The following PGAP3 variants were observed in gnomAD, a reference collection of about 807,000 sequenced individuals.
PGAP3 encodes post-GPI attachment to proteins phospholipase 3.
A neutral mutation model predicts 40.3 loss-of-function variants in PGAP3; 31 were observed. The observed-to-expected ratio is 0.77, with a 90% CI of 0.58 to 1.04. The LOEUF (loss-of-function observed/expected upper bound fraction) is 1.04. PGAP3 is among the 50% of genes least tolerant of loss of function. The pLI, the probability that PGAP3 is intolerant of heterozygous loss-of-function variation, is 0.00. For missense variants in PGAP3, 413 were observed against 423.0 expected (o/e 0.98, Z 0.21); for synonymous variants, 191 against 184.5 (o/e 1.04, Z -0.29).
At chr17:39,673,917 C>A in intron 5 of PGAP3, 76 bp downstream of exon 5, 1 of 1,524,664 alleles carries the variant, frequency 6.6e-7, no homozygotes, top group Non-Finnish European at 9.0e-7. Flanking sequence ...GAAGAAGGCC[C>A]CCAGGGGAAG....
At position 39,687,838 on chromosome 17, in the gene PGAP3, T is replaced by C; in HGVS notation, c.177A>G (p.Leu59=). 6.8e-7 allele frequency: 1 copy of C among 1,474,158 alleles called. No homozygotes were observed. The highest frequency in any genetic ancestry group is 1.4e-5 in the African/African-American group (1 of 70,468). 91.3% of individuals were successfully genotyped at this position (1,474,158 alleles called of 1,614,324 possible). ...TACCGTGGGGGTGGGGCTTACCTGCTAGACTCATGTAGATTGGCTGGCGGG... is the reference window on the plus strand; with the variant it reads ...TACCGTGGGGGTGGGGCTTACCTGCCAGACTCATGTAGATTGGCTGGCGGG... ...FRSRQPIYMS[L]AGWTCRDDCK... Residue 59 remains leucine, a synonymous_variant, in exon 1 of 8, where the codon CTA becomes CTG. Coordinates refer to ENST00000300658, the MANE Select transcript of PGAP3 (RefSeq NM_033419.5).
Position 39,685,996 on chromosome 17 carries a change from T to TA in PGAP3, c.204dup (p.Lys69Ter), listed in dbSNP as rs2057507015. 1.9e-6 allele frequency: 3 copies of TA among 1,613,144 alleles called. No homozygotes were observed. The highest frequency in any genetic ancestry group is 2.5e-6 in the Non-Finnish European group (3 of 1,179,376). ...ACGGTGACCCACATACACTCATACT[T>TA]ACAGTCGTCCCGACAGGTCCAGCCT... On this transcript the variant is annotated frameshift_variant, in exon 2 of 8. Transcript: ENST00000300658. LOFTEE classifies it high-confidence loss of function.
Position 39,672,717 on chromosome 17 carries a change from G to GA in PGAP3, c.*85dup, listed in dbSNP as rs1467148354. On this transcript the variant is annotated 3_prime_UTR_variant, in exon 8 of 8. Coordinates refer to ENST00000300658, the MANE Select transcript of PGAP3 (RefSeq NM_033419.5). ...GTCCAAGTTCAAGAAGTTGAAAAGA[G>GA]AAAATCATCTCAAGGGTTGAGGGGA... 1.0e-5 allele frequency: 14 copies of GA among 1,357,744 alleles called. No individual in the cohort carries two copies. The highest frequency in any genetic ancestry group is 1.5e-5 in the Non-Finnish European group (14 of 957,598). The allele number at this position is 1,357,744 out of a possible 1,614,324, so 84.1% of individuals were successfully genotyped here.
At chr17:39,674,547 G>A (rs2057351357) in intron 4 of PGAP3, 70 bp downstream of exon 4, 1 of 1,459,504 alleles carries the variant, frequency 6.9e-7, no homozygotes, top group East Asian at 2.5e-5. Context: ...ACCCTCTAGA[G>A]CCCCTCTGCC....
At position 39,684,684 on chromosome 17, in the gene PGAP3, GC is replaced by G; in HGVS notation, c.344del (p.Gly115AlafsTer6). The G allele has an allele frequency of 6.2e-7, 1 of 1,613,978 alleles. No individual in the cohort carries two copies. ...PASAVASFLN[G>X]LASLVMLCRY... Reference sequence around the variant, plus strand: ...GGCAGAGCATCACCAGGCTGGCCAGGCCATTGAGAAACGAGGCCACGGCCGA... The same window carrying G: ...GGCAGAGCATCACCAGGCTGGCCAGGCATTGAGAAACGAGGCCACGGCCGA... On this transcript the variant is annotated frameshift_variant, in exon 3 of 8. Transcript: ENST00000300658. LOFTEE classifies it high-confidence loss of function.
At chr17:39,684,775 T>C in intron 2 of PGAP3, 26 bp from the exon 3 acceptor site, 3 of 1,523,160 alleles carry the variant, frequency 2.0e-6, no homozygotes, top group African/African-American at 1.4e-5. Context: ...ATGAAGGAGG[T>C]TTGAAGGGCA....
Position 39,672,218 on chromosome 17 carries a change from C to T in PGAP3, c.*585G>A, listed in dbSNP as rs538942316. ...GGCCCTGAAAGGGAGTATGGTGAGG[C>T]CTCCTGGGAACCTGGCTAGGGCAAT... On this transcript the variant is annotated 3_prime_UTR_variant, in exon 8 of 8. Transcript: ENST00000300658. 6.4e-6 allele frequency: 1 copy of T among 155,942 alleles called. No individual in the cohort carries two copies. The highest frequency in any genetic ancestry group is 1.9e-4 in the East Asian group (1 of 5,316). 9.7% of individuals were successfully genotyped at this position (155,942 alleles called of 1,614,324 possible). A position where few individuals can be genotyped will look rare whatever the true frequency, so the allele number is the denominator to read the frequency against.
In PGAP3 at chr17:39,673,516, A is replaced by G. The variant is rs148457103; in HGVS notation, c.692T>C (p.Ile231Thr). The G allele has an allele frequency of 3.5e-5, 56 of 1,613,818 alleles. No homozygotes were observed. Among genetic ancestry groups the G allele is most frequent in the Non-Finnish European group, 4.6e-5 (54 of 1,179,968 alleles). ...YGYNLVANVA[I>T]GLVNVVWWLA... Reference sequence around the variant, plus strand: ...GCCCAAGCCCCCCAGGGCCTCACCAATAGCCACGTTGGCCACCAGGTTGTA... The same window carrying G: ...GCCCAAGCCCCCCAGGGCCTCACCAGTAGCCACGTTGGCCACCAGGTTGTA... The change falls in exon 6 of 8, where the codon ATT (isoleucine) becomes ACT (threonine). Residue 231 changes from isoleucine to threonine, a missense_variant and splice_region_variant. Coordinates refer to ENST00000300658, the MANE Select transcript of PGAP3 (RefSeq NM_033419.5).
intron 1 of PGAP3, 60 bp downstream of exon 1, chr17:39,687,774 G>C (rs1173634035): frequency 7.9e-7 from 1 of 1,258,510 alleles, no homozygotes; most frequent in African/African-American, 1.5e-5. Context: ...AGGCGTATTG[G>C]GGGCGCAGGG....
intron 3 of PGAP3, among the ~76,000 whole-genome samples, chr17:39,678,346 G>A (rs971398573): frequency 1.3e-5 from 2 of 152,200 alleles, no homozygotes; most frequent in East Asian, 1.9e-4. Flanking sequence ...TTTCCTGACT[G>A]GATGAAGGCC....
rs143315695 is a variant in PGAP3 at position 39,687,347 on chromosome 17, T to C, written c.181+487A>G. 2.2e-3 allele frequency among the ~76,000 whole-genome samples: 330 copies of C among 152,370 alleles called. 1 individual carries two copies. Among genetic ancestry groups the C allele is most frequent in the African/African-American group, 7.7e-3 (320 of 41,590 alleles). On this transcript the variant is annotated intron_variant, in intron 1 of 7. Transcript: ENST00000300658. The stretch of plus-strand genomic sequence containing the variant: ...CAGTGAGTGCTCAATACGTTGGTTC[T>C]TTGCCCACTATGGTCCAAATCGAAT...
chr17:39,674,480 A>C, intron 4 of PGAP3, 137 bp downstream of exon 4: 3 of 897,392 alleles, frequency 3.3e-6, no homozygotes, highest in Non-Finnish European at 4.9e-6. Flanking sequence ...GGGCACCAAC[A>C]GGTTTAGGAT....
chr17:39,681,017 C>G (rs984272878), intron 3 of PGAP3, among the ~76,000 whole-genome samples: 3 of 152,178 alleles, frequency 2.0e-5, no homozygotes, highest in African/African-American at 7.2e-5. Context: ...CATGTGCCAC[C>G]AGGCCTGGCT....
chr17:39,685,329 A>C (rs1597827133), intron 2 of PGAP3, among the ~76,000 whole-genome samples: 1 of 151,160 alleles, frequency 6.6e-6, no homozygotes, highest in African/African-American at 2.4e-5. Context: ...AAAAAAAAAA[A>C]AAAATACAAA....
chr17:39,673,867 T>A (rs1350228724), intron 5 of PGAP3, 126 bp downstream of exon 5: 2 of 1,267,714 alleles, frequency 1.6e-6, no homozygotes. Flanking sequence ...GGACAGCTGA[T>A]GTGTTGGGGG....
intron 3 of PGAP3, among the ~76,000 whole-genome samples, chr17:39,681,983 G>A (rs1597823048): frequency 6.6e-6 from 1 of 151,632 alleles, no homozygotes; most frequent in South Asian, 2.1e-4. Flanking sequence ...CACTTTGGGA[G>A]GCCGAGGCAG....
At position 39,673,111 on chromosome 17, in the gene PGAP3, A is replaced by G. The variant is rs1044944497; in HGVS notation, c.839T>C (p.Val280Ala). 5.0e-6 allele frequency: 8 copies of G among 1,608,970 alleles called. No individual in the cohort carries two copies. Among genetic ancestry groups the G allele is most frequent in the Admixed American group, 1.7e-5 (1 of 59,032 alleles). ...ELLDFPPLFW[V>A]LDAHAIWHIS... Reference sequence around the variant, plus strand: ...GTGCCAGATGGCATGGGCATCCAGGACCCAGAAGAGCGGTGGGAAGTCAAG... The same window carrying G: ...GTGCCAGATGGCATGGGCATCCAGGGCCCAGAAGAGCGGTGGGAAGTCAAG... The change falls in exon 7 of 8, where the codon GTC (valine) becomes GCC (alanine). Residue 280 changes from valine (V) to alanine (A), a missense_variant. By Grantham distance (64) the Val-to-Ala change is moderately conservative. Coordinates refer to ENST00000300658, the MANE Select transcript of PGAP3 (RefSeq NM_033419.5).
chr17:39,677,479 C>G (rs942137085), intron 3 of PGAP3, among the ~76,000 whole-genome samples: 14 of 152,150 alleles, frequency 9.2e-5, no homozygotes, highest in African/African-American at 3.1e-4. Context: ...CCGAACAGAT[C>G]CATTTCTCCT....
At chr17:39,673,410 C>T in intron 6 of PGAP3, 104 bp downstream of exon 6, 1 of 1,572,270 alleles carries the variant, frequency 6.4e-7, no homozygotes, top group South Asian at 1.2e-5. Context: ...TTCCTCTACC[C>T]CAAGAGTCTC....
Sources: allele counts gnomAD v4.1 joint callset (sites outside exome capture counted in the v4.1 genomes callset), GRCh38; gene constraint gnomAD v4.1.1; transcripts MANE v1.5; gene names NCBI Gene and HGNC (gene_info 2026-07-23, HGNC 2026-07-21).